Variants in IL16 observed in about 807,000 individuals in gnomAD.
IL16 encodes interleukin 16.
A neutral mutation model predicts 110.1 loss-of-function variants in IL16; 67 were observed. That is an observed-to-expected ratio of 0.61 (90% CI 0.50 to 0.75). The LOEUF (loss-of-function observed/expected upper bound fraction) is 0.75. Among genes scored for constraint, IL16 ranks in the 30% least tolerant of loss-of-function variants. IL16 has a pLI of 0.00. For missense variants in IL16, 1,545 were observed against 1,655.0 expected, an observed-to-expected ratio of 0.93 and a Z score of 1.15; for synonymous variants, 689 against 662.9, an observed-to-expected ratio of 1.04 and a Z score of -0.61.
chr15:81,187,114 A>G (rs1895430941), intron 1 of IL16, among the ~76,000 whole-genome samples: 5 of 152,240 alleles, frequency 3.3e-5, no homozygotes, highest in Admixed American at 3.3e-4. Context: ...GTGTGCACTT[A>G]CTTACACTGG....
At chr15:81,295,101 ACT>A (rs1396991036) in intron 12 of IL16, among the ~76,000 whole-genome samples, 1 of 151,362 alleles carries the variant, frequency 6.6e-6, no homozygotes, top group African/African-American at 2.4e-5. Flanking sequence ...ATCAGCCTAA[ACT>A]CTCCCCCGTG....
At chr15:81,283,050 G>C (rs1176877815) in intron 9 of IL16, among the ~76,000 whole-genome samples, 5 of 152,214 alleles carry the variant, frequency 3.3e-5, no homozygotes, top group Non-Finnish European at 7.3e-5. Context: ...GTGGGTGCTG[G>C]CTGAGCCCCC....
intron 14 of IL16, among the ~76,000 whole-genome samples, chr15:81,300,906 C>T (rs961773307): frequency 2.0e-5 from 3 of 152,194 alleles, no homozygotes; most frequent in South Asian, 2.1e-4. Flanking sequence ...GTACTCTGCA[C>T]GTGGGTTCAA....
chr15:81,232,346 T>C (rs904941297), intron 2 of IL16, among the ~76,000 whole-genome samples: 2 of 152,206 alleles, frequency 1.3e-5, no homozygotes, highest in African/African-American at 4.8e-5. Flanking sequence ...CCCTTTATTT[T>C]ACAGGCTAAG....
chr15:81,199,532 G>A (rs781549610), intron 1 of IL16, among the ~76,000 whole-genome samples: 1 of 152,214 alleles, frequency 6.6e-6, no homozygotes, highest in Non-Finnish European at 1.5e-5. Flanking sequence ...GGGATCCCGC[G>A]TGGAGATCTC....
intron 10 of IL16, among the ~76,000 whole-genome samples, chr15:81,289,661 T>C (rs1899615681): frequency 6.6e-6 from 1 of 152,110 alleles, no homozygotes; most frequent in Non-Finnish European, 1.5e-5. Flanking sequence ...GTTGTAGGAG[T>C]TCTTTATATA....
At position 81,296,958 on chromosome 15, in the gene IL16, C is replaced by T. The variant is rs1900015615; in HGVS notation, c.1933C>T (p.Pro645Ser). The change falls in exon 13 of 19, where the codon CCA (proline) becomes TCA (serine). Residue 645 changes from proline to serine, a missense_variant. Transcript: ENST00000683961. ...GAGAGAGCTGCTGCCACTGCTGCTA[C>T]CACAGGAAGACACAGCAGGGAGAAG... The part of the protein sequence containing the change: ...EARELLPLLL[P>S]QEDTAGRSPS... 2 of 1,612,998 alleles carry T rather than the reference C, an allele frequency of 1.2e-6. No homozygotes were observed. Among genetic ancestry groups the T allele is most frequent in the Non-Finnish European group, 1.7e-6 (2 of 1,179,560 alleles).
chr15:81,308,984 AG>A lies in IL16; in HGVS notation c.*189del. 2.0e-6 allele frequency: 1 copy of A among 511,074 alleles called. No homozygotes were observed. 31.7% of individuals were successfully genotyped at this position (511,074 alleles called of 1,614,324 possible). A position where few individuals can be genotyped will look rare whatever the true frequency, so the allele number is the denominator to read the frequency against. Reference sequence around the variant, plus strand: ...CCAGCAAAAGGTTGTTCCTAAAATAAGGGCAGAGTCACACGGGGGCAGCTGA... The same window carrying A: ...CCAGCAAAAGGTTGTTCCTAAAATAAGGCAGAGTCACACGGGGGCAGCTGA... On this transcript the variant is annotated 3_prime_UTR_variant, in exon 19 of 19. Coordinates refer to ENST00000683961, the MANE Select transcript of IL16 (RefSeq NM_172217.5).
chr15:81,236,304 G>T (rs979298500), intron 2 of IL16, among the ~76,000 whole-genome samples: 2 of 152,188 alleles, frequency 1.3e-5, no homozygotes, highest in Middle Eastern at 3.2e-3. Flanking sequence ...TCTTTTGGCT[G>T]CCTGCCTCTT....
At chr15:81,296,487 A>C (rs2141594148) in intron 12 of IL16, among the ~76,000 whole-genome samples, 1 of 152,334 alleles carries the variant, frequency 6.6e-6, no homozygotes, top group African/African-American at 2.4e-5. Context: ...AGCAATTGAC[A>C]AGCATTTTCC....
In IL16 at chr15:81,265,589, T is replaced by C. The variant is rs543435839; in HGVS notation, c.422-70T>C. 1.4e-5 allele frequency: 22 copies of C among 1,553,374 alleles called. No homozygotes were observed. The South Asian group carries it at 1.6e-4, about 12-fold the overall frequency. On this transcript the variant is annotated intron_variant, in intron 3 of 18. Coordinates refer to ENST00000683961, the MANE Select transcript of IL16 (RefSeq NM_172217.5). ...GCCCCTGGCTAATGAGGGGCTGATATTGTTCTTAGTTGAACTTTGCATTTT... is the reference window on the plus strand; with the variant it reads ...GCCCCTGGCTAATGAGGGGCTGATACTGTTCTTAGTTGAACTTTGCATTTT...
At chr15:81,253,955 C>G (rs773968764) in intron 2 of IL16, among the ~76,000 whole-genome samples, 6 of 152,190 alleles carry the variant, frequency 3.9e-5, no homozygotes, top group African/African-American at 9.7e-5. Context: ...GTGGCCTCAT[C>G]ATCCCACATG....
At chr15:81,283,298 T>G (rs75984753) in intron 9 of IL16, among the ~76,000 whole-genome samples, 183 of 152,056 alleles carry the variant, frequency 1.2e-3, no homozygotes, top group African/African-American at 4.0e-3. Flanking sequence ...GGTTCAAGCC[T>G]GTGGCTGGAG....
intron 1 of IL16, among the ~76,000 whole-genome samples, chr15:81,185,359 T>C (rs1895403912): frequency 1.4e-5 from 2 of 140,280 alleles, no homozygotes; most frequent in Non-Finnish European, 3.0e-5. Context: ...TTTCTTTTCT[T>C]TTCCTTTTTT....
At chr15:81,212,041 C>T (rs1361072931) in intron 1 of IL16, among the ~76,000 whole-genome samples, 1 of 152,004 alleles carries the variant, frequency 6.6e-6, no homozygotes, top group East Asian at 1.9e-4. Context: ...AGTGCCTCCT[C>T]CTCAATTTTT....
At chr15:81,249,394 G>C (rs1897686379) in intron 2 of IL16, among the ~76,000 whole-genome samples, 1 of 151,504 alleles carries the variant, frequency 6.6e-6, no homozygotes, top group African/African-American at 2.4e-5. Flanking sequence ...TATATTGGTG[G>C]CAAACTCCCT....
At position 81,308,631 on chromosome 15, in the gene IL16, G is replaced by A. The variant is rs746842780; in HGVS notation, c.3832G>A (p.Val1278Ile). Residue 1278 changes from valine to isoleucine, a missense_variant, in exon 19 of 19, where the codon GTC (valine) becomes ATC (isoleucine). Val to Ile is a conservative substitution (Grantham distance 29). This residue lies in a region of IL16 where 356 missense variants were observed against 399.3 expected (regional missense o/e 0.89). Coordinates refer to ENST00000683961, the MANE Select transcript of IL16 (RefSeq NM_172217.5). ...AGCAGCCTCAGAACAAAGTGAGACA[G>A]TCCAGCCTGGAGATGAAATCTTACA... ...KGAASEQSETVQPGDEILQLG... is the reference protein window; with the variant it reads ...KGAASEQSETIQPGDEILQLG... 1.2e-6 allele frequency: 2 copies of A among 1,612,744 alleles called. No individual in the cohort carries two copies. Among genetic ancestry groups the A allele is most frequent in the South Asian group, 2.2e-5 (2 of 90,900 alleles).
At chr15:81,198,961 A>C (rs2141945221) in intron 1 of IL16, among the ~76,000 whole-genome samples, 1 of 149,036 alleles carries the variant, frequency 6.7e-6, no homozygotes, top group South Asian at 2.1e-4. Flanking sequence ...CGGAGACTGC[A>C]GTGAGCCGAG....
At position 81,278,872 on chromosome 15, in the gene IL16, T is replaced by C; in HGVS notation, c.846T>C (p.Asp282=). ...GESMAGLTHQ[D]ALQKFKQAKK... ...CAATGGCTGGACTAACACATCAGGA[T>C]GCTTTGCAGAAGTTCAAGGTGACCA... The change falls in exon 7 of 19, where the codon GAT becomes GAC. Residue 282 remains aspartate, a synonymous_variant. Transcript: ENST00000683961. 1 of 1,613,028 alleles carries C rather than the reference T, an allele frequency of 6.2e-7. No homozygotes were observed. The highest frequency in any genetic ancestry group is 2.2e-5 in the East Asian group (1 of 44,880).
Sources: allele counts gnomAD v4.1 joint callset (sites outside exome capture counted in the v4.1 genomes callset), GRCh38; gene constraint gnomAD v4.1.1; regional missense constraint gnomAD v4.1.1; transcripts MANE v1.5; gene names NCBI Gene and HGNC (gene_info 2026-07-23, HGNC 2026-07-21).